The following DLGAP2 variants were observed in gnomAD, a reference collection of about 807,000 sequenced individuals.
DLGAP2 encodes disks large-associated protein 2.
Under a neutral mutation model 100.3 loss-of-function variants are expected in DLGAP2, and 26 were observed. The observed-to-expected ratio is 0.26, with a 90% CI of 0.19 to 0.36. The LOEUF is 0.36. Among genes scored for constraint, DLGAP2 ranks in the 10% least tolerant of loss-of-function variants. The probability of loss-of-function intolerance (pLI) is 1.00; values close to 1 mark genes in which losing one functional copy is unlikely to be tolerated. For synonymous variants in DLGAP2, 886 were observed against 630.1 expected (o/e 1.41, Z -6.08); for missense variants, 1,858 against 1,453.2 (o/e 1.28, Z -4.53).
chr8:1,513,137 T>C (rs1800232203), intron 4 of DLGAP2, among the ~76,000 whole-genome samples: 1 of 150,276 alleles, frequency 6.7e-6, no homozygotes, highest in South Asian at 2.1e-4. Flanking sequence ...GGAGGCTCGG[T>C]GGGATAAGCG....
At chr8:904,757 C>T (rs577253333) in intron 1 of DLGAP2, among the ~76,000 whole-genome samples, 22 of 152,190 alleles carry the variant, frequency 1.4e-4, no homozygotes, top group Non-Finnish European at 2.4e-4. Context: ...CCCCAGCACC[C>T]GTGGCAGGCA....
At chr8:1,126,222 T>C (rs972027925) in intron 2 of DLGAP2, among the ~76,000 whole-genome samples, 2 of 152,366 alleles carry the variant, frequency 1.3e-5, no homozygotes, top group African/African-American at 4.8e-5. Context: ...TTCACAGCCC[T>C]GTACCCTTTA....
intron 8 of DLGAP2, among the ~76,000 whole-genome samples, chr8:1,648,630 C>T (rs549599109): frequency 6.6e-6 from 1 of 152,252 alleles, no homozygotes; most frequent in Admixed American, 6.5e-5. Flanking sequence ...AGTCTGCAGA[C>T]CTTCCCTGGG....
At chr8:1,414,201 T>C (rs1414998321) in intron 3 of DLGAP2, among the ~76,000 whole-genome samples, 1 of 152,160 alleles carries the variant, frequency 6.6e-6, no homozygotes, top group African/African-American at 2.4e-5. Flanking sequence ...AAAGATGGAA[T>C]CTGAGAAAGT....
chr8:1,307,933 G>C (rs1429900861), intron 3 of DLGAP2, among the ~76,000 whole-genome samples: 1 of 147,232 alleles, frequency 6.8e-6, no homozygotes, highest in Non-Finnish European at 1.5e-5. Flanking sequence ...GACGCATTTT[G>C]GAGACAATGG....
rs368812165 is a variant in DLGAP2, at chr8:1,175,282, A to G, written c.74-83569A>G. On this transcript the variant is annotated intron_variant, in intron 2 of 14. Coordinates refer to ENST00000637795, the MANE Select transcript of DLGAP2 (RefSeq NM_001346810.2). ...TAAGAAGTGTGTTAAATTTAGCCCA[A>G]TAGTGCATTTCATGGGGAAGATCAA... Among the ~76,000 whole-genome samples the G allele has an allele frequency of 1.2e-4, 18 of 152,248 alleles. No individual in the cohort carries two copies. In the East Asian group the frequency reaches 2.7e-3, roughly 23 times the overall value.
At chr8:1,051,267 G>T (rs1045810060) in intron 2 of DLGAP2, among the ~76,000 whole-genome samples, 6 of 152,114 alleles carry the variant, frequency 3.9e-5, no homozygotes, top group African/African-American at 1.4e-4. Context: ...AGGGAACCCA[G>T]GCTCTCTGGA....
At chr8:1,427,101 AAC>A (rs996107291) in intron 3 of DLGAP2, among the ~76,000 whole-genome samples, 1 of 152,240 alleles carries the variant, frequency 6.6e-6, no homozygotes, top group African/African-American at 2.4e-5. Context: ...AAAGATAAGA[AAC>A]ACTACATAGG....
chr8:786,323 C>T (rs1476220430), intron 1 of DLGAP2, among the ~76,000 whole-genome samples: 1 of 152,118 alleles, frequency 6.6e-6, no homozygotes, highest in Admixed American at 6.5e-5. Flanking sequence ...GAGCCATGGT[C>T]CGGGCTCCCA....
At chr8:849,199 A>C (rs12547996) in intron 1 of DLGAP2, among the ~76,000 whole-genome samples, 2 of 149,166 alleles carry the variant, frequency 1.3e-5, no homozygotes, top group East Asian at 4.0e-4. Flanking sequence ...CTTGTGGTGC[A>C]TGTTCCAGTA....
intron 2 of DLGAP2, among the ~76,000 whole-genome samples, chr8:1,251,301 T>C (rs970932380): frequency 6.6e-6 from 1 of 152,232 alleles, no homozygotes; most frequent in Non-Finnish European, 1.5e-5. Flanking sequence ...GTAGGTTTTC[T>C]ATGAATATTA....
intron 8 of DLGAP2, among the ~76,000 whole-genome samples, chr8:1,643,219 C>T (rs1376334960): frequency 5.5e-5 from 1 of 18,248 alleles, no homozygotes. Context: ...AACCCGCCGG[C>T]CCTCACCTGT....
intron 3 of DLGAP2, among the ~76,000 whole-genome samples, chr8:1,411,189 A>G (rs929492078): frequency 6.6e-6 from 1 of 152,216 alleles, no homozygotes; most frequent in Non-Finnish European, 1.5e-5. Context: ...AACTACAGAG[A>G]AATTATTCAT....
At chr8:1,303,199 C>T (rs1001971407) in intron 3 of DLGAP2, among the ~76,000 whole-genome samples, 1 of 152,138 alleles carries the variant, frequency 6.6e-6, no homozygotes, top group African/African-American at 2.4e-5. Context: ...AGCTCAAGAC[C>T]ATCCTGGCTA....
chr8:1,056,531 A>G (rs927751928), intron 2 of DLGAP2, among the ~76,000 whole-genome samples: 1 of 152,054 alleles, frequency 6.6e-6, no homozygotes, highest in African/African-American at 2.4e-5. Context: ...AGAAAATTTT[A>G]TTTTTCCCCT....
At chr8:1,226,960 G>A (rs1277848218) in intron 2 of DLGAP2, among the ~76,000 whole-genome samples, 1 of 151,368 alleles carries the variant, frequency 6.6e-6, no homozygotes, top group Middle Eastern at 3.2e-3. Context: ...ACGTTCCTAA[G>A]GAAAGTAAAA....
chr8:1,577,427 GT>G (rs1384941305), intron 6 of DLGAP2, among the ~76,000 whole-genome samples: 1 of 152,006 alleles, frequency 6.6e-6, no homozygotes, highest in African/African-American at 2.4e-5. Context: ...AAATTAGCTG[GT>G]GTAGTGGCAC....
intron 2 of DLGAP2, among the ~76,000 whole-genome samples, chr8:1,121,743 G>A (rs546400529): frequency 2.5e-4 from 20 of 80,470 alleles, no homozygotes; most frequent in African/African-American, 3.6e-4. Flanking sequence ...ACAACCACCC[G>A]TCTTCATCTT....
intron 8 of DLGAP2, among the ~76,000 whole-genome samples, chr8:1,645,473 C>T (rs1013161386): frequency 6.6e-6 from 1 of 152,118 alleles, no homozygotes; most frequent in Non-Finnish European, 1.5e-5. Context: ...TTCCCACTTA[C>T]GATGTTTTTA....
Sources: allele counts gnomAD v4.1 joint callset (sites outside exome capture counted in the v4.1 genomes callset), GRCh38; gene constraint gnomAD v4.1.1; transcripts MANE v1.5; gene names NCBI Gene and HGNC (gene_info 2026-07-23, HGNC 2026-07-21).